PPEF1: variants seen among roughly 807,000 people sequenced by gnomAD.
The protein encoded by PPEF1 is protein phosphatase with EF-hand domain 1.
PPEF1 carries 12 observed loss-of-function variants against 53.3 expected under a neutral mutation model. The observed-to-expected ratio is 0.23, with a 90% confidence interval of 0.14 to 0.36. The LOEUF is 0.36. PPEF1 is among the 10% of genes least tolerant of loss of function. The probability of loss-of-function intolerance (pLI) is 1.00; values close to 1 mark genes in which losing one functional copy is unlikely to be tolerated. For missense variants in PPEF1, 334 were observed against 490.4 expected (o/e 0.68, Z 3.01); for synonymous variants, 165 against 176.7 (o/e 0.93, Z 0.52).
At chrX:18,689,888 C>T (rs1023566370) in intron 3 of PPEF1, among the ~76,000 whole-genome samples, 1 of 111,131 alleles carries the variant, frequency 9.0e-6, no homozygotes, top group Non-Finnish European at 1.9e-5. Context: ...CTCCGGGTCA[C>T]GAGCCTTAGC....
At chrX:18,735,196 C>A in intron 3 of PPEF1, among the ~76,000 whole-genome samples, 1 of 111,517 alleles carries the variant, frequency 9.0e-6, no homozygotes, top group African/African-American at 3.3e-5. Flanking sequence ...TCATGAAGTC[C>A]TTGCCCATGC....
At chrX:18,783,604 G>C (rs181711749) in intron 8 of PPEF1, among the ~76,000 whole-genome samples, 95 of 110,632 alleles carry the variant, frequency 8.6e-4, no homozygotes, top group African/African-American at 3.0e-3. Flanking sequence ...TTTAGTCCCA[G>C]CTACTTGGGA....
At chrX:18,736,516 C>T (rs1489270481) in intron 3 of PPEF1, among the ~76,000 whole-genome samples, 2 of 111,850 alleles carry the variant, frequency 1.8e-5, no homozygotes, top group Non-Finnish European at 3.8e-5. Flanking sequence ...TGATGTGCTG[C>T]TGGATTCGGT....
intron 1 of PPEF1, among the ~76,000 whole-genome samples, chrX:18,711,483 A>G (rs1446828686): frequency 9.0e-6 from 1 of 111,726 alleles, no homozygotes; most frequent in Non-Finnish European, 1.9e-5. Context: ...AAAGTTTTGT[A>G]CTTTTAGCTC....
intron 4 of PPEF1, among the ~76,000 whole-genome samples, chrX:18,694,332 G>A (rs1361693466): frequency 9.0e-6 from 1 of 111,604 alleles, no homozygotes; most frequent in Non-Finnish European, 1.9e-5. Flanking sequence ...GTAAGTGTAT[G>A]TTCAACTTTA....
intron 4 of PPEF1, among the ~76,000 whole-genome samples, chrX:18,754,534 C>A (rs2045507426): frequency 9.0e-6 from 1 of 111,168 alleles, no homozygotes; most frequent in South Asian, 3.8e-4. Context: ...TAACCACCTG[C>A]CAACAGCAAA....
chrX:18,697,700 T>C (rs1483764335), intron 4 of PPEF1: 1 of 112,031 alleles, frequency 8.9e-6, no homozygotes, highest in East Asian at 2.8e-4. Context: ...AGTATGTATA[T>C]TTCAATATCC....
chrX:18,693,023 C>T (rs1466134653), intron 4 of PPEF1, among the ~76,000 whole-genome samples: 1 of 111,865 alleles, frequency 8.9e-6, no homozygotes, highest in Non-Finnish European at 1.9e-5. Flanking sequence ...CTCATGCTAA[C>T]ATTTAAAAAT....
At chrX:18,748,168 G>A (rs968880421) in intron 3 of PPEF1, among the ~76,000 whole-genome samples, 4 of 111,598 alleles carry the variant, frequency 3.6e-5, no homozygotes, top group Non-Finnish European at 7.5e-5. Flanking sequence ...AACCACTCCC[G>A]GACCACATTA....
At chrX:18,822,531 C>T (rs1388019261) in intron 13 of PPEF1, among the ~76,000 whole-genome samples, 8 of 106,158 alleles carry the variant, frequency 7.5e-5, no homozygotes, top group Non-Finnish European at 9.7e-5. Flanking sequence ...TTTTTTGAGA[C>T]GGAGTCTTGC....
At chrX:18,687,418 A>G (rs1199282400) in intron 3 of PPEF1, among the ~76,000 whole-genome samples, 2 of 111,489 alleles carry the variant, frequency 1.8e-5, no homozygotes, top group African/African-American at 6.5e-5. Flanking sequence ...AGCAATAGGC[A>G]CAGAGAGGTT....
chrX:18,757,751 A>G lies in PPEF1; in HGVS notation c.511+10A>G. 8.7e-7 allele frequency: 1 copy of G among 1,155,502 alleles called. No homozygotes were observed. The highest frequency in any genetic ancestry group is 1.2e-6 in the Non-Finnish European group (1 of 844,873). ...GAGGTAACAATCTGTGGTAAGTTTCAGAGCAGAGTTGTCCAATTAATATTT... is the reference window on the plus strand; with the variant it reads ...GAGGTAACAATCTGTGGTAAGTTTCGGAGCAGAGTTGTCCAATTAATATTT... On this transcript the variant is annotated intron_variant, in intron 5 of 15. Transcript: ENST00000470157.
chrX:18,789,382 G>T (rs1033977053), intron 10 of PPEF1, 109 bp downstream of exon 10: 2 of 742,264 alleles, frequency 2.7e-6, no homozygotes, highest in African/African-American at 2.1e-5. Flanking sequence ...GAGACCACAT[G>T]ATTCTCTTGG....
Position 18,779,024 on chromosome X carries a change from A to G in PPEF1, c.573A>G (p.Ser191=). 1 of 1,199,243 alleles carries G rather than the reference A, an allele frequency of 8.3e-7. No homozygotes were observed. Reference sequence around the variant, plus strand: ...TCCTTCCACAGAATGGTCTCCCCTCAGAGAGGAACCCGTATGTTTTTAATG... The same window carrying G: ...TCCTTCCACAGAATGGTCTCCCCTCGGAGAGGAACCCGTATGTTTTTAATG... ...FLIFYKNGLP[S]ERNPYVFNGD... The change falls in exon 7 of 16, where the codon TCA becomes TCG. Residue 191 remains serine (S), a synonymous_variant. Coordinates refer to ENST00000470157, the MANE Select transcript of PPEF1 (RefSeq NM_001377996.1).
chrX:18,774,546 C>T (rs1217386102), intron 6 of PPEF1, among the ~76,000 whole-genome samples: 1 of 112,157 alleles, frequency 8.9e-6, no homozygotes, highest in East Asian at 2.8e-4. Flanking sequence ...TAAAACTGTG[C>T]CTGGTACATA....
At chrX:18,782,130 A>G (rs1406740098) in intron 7 of PPEF1, among the ~76,000 whole-genome samples, 3 of 111,844 alleles carry the variant, frequency 2.7e-5, no homozygotes, top group East Asian at 5.6e-4. Flanking sequence ...ATAGAAATCT[A>G]TCTTCTTTCC....
upstream of PPEF1, among the ~76,000 whole-genome samples, chrX:18,680,689 C>T (rs1206134214): frequency 1.8e-5 from 2 of 109,977 alleles, no homozygotes; most frequent in Non-Finnish European, 1.9e-5. Context: ...CATATGTATA[C>T]GTGTGCCATG....
chrX:18,790,552 A>G (rs1484788066), intron 10 of PPEF1, among the ~76,000 whole-genome samples: 1 of 111,217 alleles, frequency 9.0e-6, no homozygotes, highest in African/African-American at 3.3e-5. Flanking sequence ...ATAAAGATCT[A>G]TTACTTTGTT....
At position 18,689,171 on chromosome X, in the gene PPEF1, T is replaced by C. The variant is rs772059920; in HGVS notation, c.-425-1811T>C. ...CCTAGGAAGAAGTCCATTCCAATGG[T>C]TGGGCGGGGATTAAAATTTTTCTTT... On this transcript the variant is annotated intron_variant, in intron 3 of 21. Coordinates refer to the PPEF1 transcript ENST00000361511. Among the ~76,000 whole-genome samples, 6 of 110,443 alleles carry C rather than the reference T, an allele frequency of 5.4e-5. 1 individual carries two copies. The South Asian group carries it at 2.4e-3, about 44-fold the overall frequency.
Sources: allele counts gnomAD v4.1 joint callset (sites outside exome capture counted in the v4.1 genomes callset), GRCh38; gene constraint gnomAD v4.1.1; transcripts MANE v1.5; gene names NCBI Gene and HGNC (gene_info 2026-07-23, HGNC 2026-07-21).